PCSK5: variants seen among roughly 807,000 people sequenced by gnomAD.
PCSK5 encodes the protein proprotein convertase subtilisin/kexin type 5.
A neutral mutation model predicts 233.2 loss-of-function variants in PCSK5; 129 were observed. That is an observed-to-expected ratio of 0.55 (90% CI 0.48 to 0.64). PCSK5 has a LOEUF of 0.64. Among genes scored for constraint, PCSK5 ranks in the 30% least tolerant of loss-of-function variants. PCSK5 has a pLI of 0.00. For missense variants in PCSK5, 2,076 were observed against 2,430.1 expected, an observed-to-expected ratio of 0.85 and a Z score of 3.06; for synonymous variants, 825 against 879.2, an observed-to-expected ratio of 0.94 and a Z score of 1.09.
At chr9:76,090,300 T>C (rs1831233400) in intron 7 of PCSK5, among the ~76,000 whole-genome samples, 1 of 152,130 alleles carries the variant, frequency 6.6e-6, no homozygotes, top group African/African-American at 2.4e-5. Context: ...AGATTTTTAA[T>C]TTTTTTCCCA....
rs75165309 is a variant in PCSK5, at chr9:76,024,158, C to T, written c.555+277C>T. ...CACACCATCTGCTACCAGCAACATT[C>T]GCTGTTCTCAACAATTTATCCAACC... On this transcript the variant is annotated intron_variant, in intron 4 of 37. Coordinates refer to ENST00000674117, the MANE Select transcript of PCSK5 (RefSeq NM_001372043.1). 4.5e-3 allele frequency among the ~76,000 whole-genome samples: 683 copies of T among 152,286 alleles called. 1 individual carries two copies. The highest frequency in any genetic ancestry group is 0.015 in the African/African-American group (629 of 41,574).
chr9:76,294,971 G>A (rs140098056), intron 25 of PCSK5, among the ~76,000 whole-genome samples: 377 of 152,122 alleles, frequency 2.5e-3, no homozygotes, highest in Admixed American at 4.2e-3. Context: ...TGGGCAACAT[G>A]GCAAAACCCC....
rs779596157 is a variant in PCSK5, at chr9:76,292,266, G to A, written c.3176G>A (p.Gly1059Glu). The change falls in exon 25 of 38, where the codon GGG becomes GAG. Residue 1059 changes from glycine to glutamate, a missense_variant. Physicochemically the swap from Gly to Glu is moderately conservative, Grantham distance 98. Coordinates refer to ENST00000674117, the MANE Select transcript of PCSK5 (RefSeq NM_001372043.1). ...DPGTCTSCAM[G>E]YYRFDHHCYK... ...GGAACATGTACATCTTGCGCTATGG[G>A]GTATTACAGGTAAGTCTGGTCTTCC... The A allele has an allele frequency of 1.9e-6, 3 of 1,573,696 alleles. No individual in the cohort carries two copies. The highest frequency in any genetic ancestry group is 2.2e-5 in the East Asian group (1 of 44,696).
rs941108836 is a variant in PCSK5 at position 76,338,278 on chromosome 9, C to T, written c.4797C>T (p.Ser1599=). 6.2e-7 allele frequency: 1 copy of T among 1,612,578 alleles called. No homozygotes were observed. Among genetic ancestry groups the T allele is most frequent in the African/African-American group, 1.3e-5 (1 of 75,044 alleles). ...GCCGGTGTGAGAGGTGCAACAGGAGCTGCAAGGGGTGCCAGGGCCCACGGC... is the reference window on the plus strand; with the variant it reads ...GCCGGTGTGAGAGGTGCAACAGGAGTTGCAAGGGGTGCCAGGGCCCACGGC... ...STGRCERCNR[S]CKGCQGPRPT... is the part of the protein sequence containing the mutation. Residue 1599 remains serine, a synonymous_variant, in exon 35 of 38, where the codon AGC becomes AGT. Transcript: ENST00000674117.
intron 8 of PCSK5, among the ~76,000 whole-genome samples, chr9:76,106,194 C>G (rs529353577): frequency 6.6e-6 from 1 of 152,228 alleles, no homozygotes; most frequent in East Asian, 1.9e-4. Context: ...TGCCTTGATG[C>G]GAAAGACAGA....
intron 3 of PCSK5, among the ~76,000 whole-genome samples, chr9:76,006,441 G>A (rs902109956): frequency 2.6e-5 from 4 of 152,226 alleles, no homozygotes; most frequent in African/African-American, 9.6e-5. Context: ...ATTATTAAAT[G>A]TAACCTTTAT....
intron 20 of PCSK5, among the ~76,000 whole-genome samples, chr9:76,215,810 C>T (rs563161129): frequency 1.3e-5 from 2 of 152,162 alleles, no homozygotes; most frequent in East Asian, 3.9e-4. Context: ...TGTGGTAGCA[C>T]ACACCTGTAG....
chr9:76,170,453 T>C (rs1343702490), intron 13 of PCSK5, among the ~76,000 whole-genome samples: 1 of 152,220 alleles, frequency 6.6e-6, no homozygotes, highest in East Asian at 1.9e-4. Flanking sequence ...CCCGTCTTCA[T>C]GCTAACCTGT....
chr9:76,351,425 C>CA (rs1248828303), intron 36 of PCSK5, among the ~76,000 whole-genome samples: 1 of 111,710 alleles, frequency 9.0e-6, no homozygotes, highest in African/African-American at 3.5e-5. Flanking sequence ...AGAAACCGCC[C>CA]CCCCCTGCAA....
At chr9:75,952,258 T>C (rs1824895109) in intron 2 of PCSK5, among the ~76,000 whole-genome samples, 1 of 152,148 alleles carries the variant, frequency 6.6e-6, no homozygotes, top group Non-Finnish European at 1.5e-5. Context: ...TTACATACAG[T>C]GAAATTATAA....
intron 7 of PCSK5, among the ~76,000 whole-genome samples, chr9:76,086,442 C>T (rs1355588951): frequency 1.3e-5 from 2 of 152,038 alleles, no homozygotes; most frequent in Non-Finnish European, 1.5e-5. Context: ...GAAGGAGTGA[C>T]CGGAAGTTAA....
chr9:76,337,208 T>C (rs1412804687), intron 34 of PCSK5, among the ~76,000 whole-genome samples: 1 of 133,844 alleles, frequency 7.5e-6, no homozygotes, highest in East Asian at 2.0e-4. Flanking sequence ...ACAGTCTCAC[T>C]CTGTCACCCA....
chr9:76,301,234 T>C (rs889416376), intron 27 of PCSK5, among the ~76,000 whole-genome samples: 2 of 147,210 alleles, frequency 1.4e-5, no homozygotes, highest in African/African-American at 5.0e-5. Flanking sequence ...ATCACACCAC[T>C]GCACTCCAGC....
In PCSK5 at chr9:76,154,573, C is replaced by T. The variant is rs528003315; in HGVS notation, c.1313-2472C>T. On this transcript the variant is annotated intron_variant, in intron 10 of 37. Transcript: ENST00000674117. ...GTCCCCACCTCCCTTCTCCACGCCCCCAACATGCCAATCGAATCTTTCATC... is the reference window on the plus strand; with the variant it reads ...GTCCCCACCTCCCTTCTCCACGCCCTCAACATGCCAATCGAATCTTTCATC... 5.3e-5 allele frequency among the ~76,000 whole-genome samples: 8 copies of T among 152,228 alleles called. No homozygotes were observed. The South Asian group carries it at 1.5e-3, about 28-fold the overall frequency.
rs944343665 is a variant in PCSK5 at position 76,360,018 on chromosome 9, T to C, written c.*1096T>C. The C allele has an allele frequency of 1.3e-5, 2 of 152,200 alleles. No homozygotes were observed. Among genetic ancestry groups the C allele is most frequent in the African/African-American group, 4.8e-5 (2 of 41,448 alleles). The allele number at this position is 152,200 out of a possible 1,614,324, so 9.4% of individuals were successfully genotyped here. A position where few individuals can be genotyped will look rare whatever the true frequency, so the allele number is the denominator to read the frequency against. ...TCCTTTTTTCCATTCTTCTGTCAAG[T>C]GTATTCTTGGATTCATGCAACTGAG... is the stretch of plus-strand genomic sequence containing the variant. On this transcript the variant is annotated 3_prime_UTR_variant, in exon 38 of 38. Transcript: ENST00000674117.
chr9:76,170,177 A>G (rs1308745813), intron 13 of PCSK5, among the ~76,000 whole-genome samples: 2 of 152,030 alleles, frequency 1.3e-5, no homozygotes, highest in African/African-American at 4.8e-5. Context: ...GTTCAATTGC[A>G]TGATCTCACA....
intron 3 of PCSK5, among the ~76,000 whole-genome samples, chr9:76,014,354 C>T (rs1474231279): frequency 1.3e-5 from 2 of 152,168 alleles, no homozygotes; most frequent in East Asian, 1.9e-4. Context: ...TAAGCAAACA[C>T]GATTAACTAA....
rs574583359 is a variant in PCSK5 at position 76,307,120 on chromosome 9, G to A, written c.3605-1525G>A. On this transcript the variant is annotated intron_variant, in intron 28 of 37. Transcript: ENST00000674117. Reference sequence around the variant, plus strand: ...TAGTCTTCACAACAATCCTATAAGGGCAGAATTATTTTCTCTCATTTTAGA... The same window carrying A: ...TAGTCTTCACAACAATCCTATAAGGACAGAATTATTTTCTCTCATTTTAGA... Among the ~76,000 whole-genome samples the A allele has an allele frequency of 1.9e-4, 27 of 145,590 alleles. No homozygotes were observed. The South Asian group carries it at 6.1e-3, about 33-fold the overall frequency.
intron 1 of PCSK5, among the ~76,000 whole-genome samples, chr9:75,895,349 T>C (rs979622036): frequency 2.0e-5 from 3 of 152,206 alleles, no homozygotes; most frequent in African/African-American, 7.2e-5. Context: ...TTGTTTAATC[T>C]GAATCTGAGG....
Sources: gnomAD v4.1 joint callset for allele counts (sites outside exome capture counted in the v4.1 genomes callset) on GRCh38, gnomAD v4.1.1 for gene constraint, MANE v1.5 for transcripts, NCBI Gene and HGNC (gene_info 2026-07-23, HGNC 2026-07-21) for gene names.